The following CCDC149 variants were observed in gnomAD, a reference collection of about 807,000 sequenced individuals.
CCDC149 encodes the protein coiled-coil domain-containing protein 149.
In CCDC149, 45 loss-of-function variants were observed where a neutral mutation model predicts 59.9. That is an observed-to-expected ratio of 0.75 (90% CI 0.59 to 0.96). The LOEUF is 0.96. CCDC149 is among the 40% of genes least tolerant of loss of function. CCDC149 has a pLI of 0.00. For synonymous variants in CCDC149, 245 were observed against 260.6 expected (o/e 0.94, Z 0.58); for missense variants, 584 against 664.7 (o/e 0.88, Z 1.33).
intron 1 of CCDC149, among the ~76,000 whole-genome samples, chr4:24,973,106 A>G (rs2109369027): frequency 6.6e-6 from 1 of 152,314 alleles, no homozygotes; most frequent in Non-Finnish European, 1.5e-5. Flanking sequence ...GCCAATCAGA[A>G]GATCTTGGAA....
At chr4:24,926,101 C>T (rs1722427763) in intron 1 of CCDC149, among the ~76,000 whole-genome samples, 1 of 152,284 alleles carries the variant, frequency 6.6e-6, no homozygotes, top group Non-Finnish European at 1.5e-5. Context: ...GAGGCTGTGG[C>T]AGGAGAATCG....
chr4:24,946,891 T>C (rs1242249196), intron 1 of CCDC149, among the ~76,000 whole-genome samples: 1 of 152,210 alleles, frequency 6.6e-6, no homozygotes, highest in Admixed American at 6.5e-5. Flanking sequence ...CGCATATTCA[T>C]ATGTACTCAT....
At chr4:24,910,188 C>T (rs1196567953) in intron 1 of CCDC149, among the ~76,000 whole-genome samples, 1 of 152,222 alleles carries the variant, frequency 6.6e-6, no homozygotes, top group Non-Finnish European at 1.5e-5. Flanking sequence ...CTGCATCACT[C>T]CAATCTCTAC....
chr4:24,972,900 G>T (rs1724020787), intron 1 of CCDC149, among the ~76,000 whole-genome samples: 2 of 152,182 alleles, frequency 1.3e-5, no homozygotes, highest in Non-Finnish European at 2.9e-5. Flanking sequence ...CAATCCTGAA[G>T]GGACTAACTG....
intron 1 of CCDC149, among the ~76,000 whole-genome samples, chr4:24,967,501 G>C (rs1054158290): frequency 3.9e-5 from 6 of 152,032 alleles, no homozygotes; most frequent in Admixed American, 3.3e-4. Context: ...AACTGGGACA[G>C]TACCACTATG....
chr4:24,837,129 T>A lies in CCDC149; in HGVS notation c.662+99A>T. 8.4e-7 allele frequency: 1 copy of A among 1,194,184 alleles called. No individual in the cohort carries two copies. The highest frequency in any genetic ancestry group is 2.6e-5 in the Admixed American group (1 of 37,954). 74.0% of individuals were successfully genotyped at this position (1,194,184 alleles called of 1,614,324 possible). A position where few individuals can be genotyped will look rare whatever the true frequency, so the allele number is the denominator to read the frequency against. On this transcript the variant is annotated intron_variant, in intron 6 of 12. Transcript: ENST00000635206. The surrounding 1 kb of genome is among the most constrained non-coding windows in gnomAD (Gnocchi z 4.3). ...GAGTTTCTTTTCACTTGTAAGGCAATTTTCTCCAAAATAAATAGGGCTGCA... is the reference window on the plus strand; with the variant it reads ...GAGTTTCTTTTCACTTGTAAGGCAAATTTCTCCAAAATAAATAGGGCTGCA...
intron 1 of CCDC149, among the ~76,000 whole-genome samples, chr4:24,962,847 A>C (rs549349635): frequency 1.3e-5 from 2 of 152,240 alleles, no homozygotes; most frequent in East Asian, 3.9e-4. Flanking sequence ...ACAAACCTGC[A>C]TGTTGTGTAC....
In CCDC149 at chr4:24,928,751, C is replaced by T. The variant is rs114645134; in HGVS notation, c.-64-33633G>A. Among the ~76,000 whole-genome samples the T allele has an allele frequency of 3.9e-3, 592 of 152,234 alleles. 4 individuals are homozygous for T. Among genetic ancestry groups the T allele is most frequent in the African/African-American group, 0.014 (574 of 41,534 alleles). On this transcript the variant is annotated intron_variant, in intron 1 of 12. Coordinates refer to the CCDC149 transcript ENST00000389609. ...TGTTACAGCAACCCTAGGAAACTGA[C>T]ACAGGTGCTGTCATGGTCTTCACAG...
At chr4:24,820,719 A>G (rs966354463) in intron 11 of CCDC149, among the ~76,000 whole-genome samples, 5 of 152,100 alleles carry the variant, frequency 3.3e-5, no homozygotes, top group African/African-American at 1.2e-4. Flanking sequence ...AACATCCTTC[A>G]TCACTGCAGG....
chr4:24,870,939 G>A (rs535192199), intron 3 of CCDC149, among the ~76,000 whole-genome samples: 27 of 151,852 alleles, frequency 1.8e-4, no homozygotes, highest in Non-Finnish European at 2.9e-4. Flanking sequence ...CAGCAACTCG[G>A]GGGGCTAAGG....
intron 4 of CCDC149, among the ~76,000 whole-genome samples, chr4:24,852,285 CATA>C (rs2109182375): frequency 1.2e-5 from 1 of 81,232 alleles, no homozygotes; most frequent in South Asian, 5.1e-4. Context: ...TCCAACACAC[CATA>C]CACACACACA....
At chr4:24,957,500 T>G (rs1377653) in intron 1 of CCDC149, among the ~76,000 whole-genome samples, 114,785 of 152,132 alleles carry the variant, frequency 0.75, 43,523 homozygotes, top group African/African-American at 0.79. Flanking sequence ...CCCATTCAGG[T>G]ACAGCCCTAA....
intron 1 of CCDC149, among the ~76,000 whole-genome samples, chr4:24,966,923 C>T (rs1049272438): frequency 2.0e-5 from 3 of 152,216 alleles, no homozygotes; most frequent in African/African-American, 2.4e-5. Context: ...CACCAATGTG[C>T]GGTGGGTGCT....
At position 24,876,635 on chromosome 4, in the gene CCDC149, C is replaced by T. The variant is rs1719457433; in HGVS notation, c.126G>A (p.Glu42=). 4 of 1,614,152 alleles carry T rather than the reference C, an allele frequency of 2.5e-6. No homozygotes were observed. The highest frequency in any genetic ancestry group is 3.4e-6 in the Non-Finnish European group (4 of 1,180,028). The change falls in exon 2 of 13, where the codon GAG becomes GAA. Residue 42 remains glutamate (E), a synonymous_variant. Transcript: ENST00000635206. ...CCCTTTCCTGTTGACAGGTGTCCAGCTCCTTGGAGAGGATCAGCAGGGCTT... is the reference window on the plus strand; with the variant it reads ...CCCTTTCCTGTTGACAGGTGTCCAGTTCCTTGGAGAGGATCAGCAGGGCTT...
intron 12 of CCDC149, among the ~76,000 whole-genome samples, chr4:24,816,919 T>C (rs755360722): frequency 6.6e-6 from 1 of 152,216 alleles, no homozygotes; most frequent in Non-Finnish European, 1.5e-5. Context: ...TGCTCTCTGA[T>C]AGGCTTTGTC....
intron 1 of CCDC149, among the ~76,000 whole-genome samples, chr4:24,955,710 C>T (rs1723446026): frequency 6.6e-6 from 1 of 151,988 alleles, no homozygotes; most frequent in African/African-American, 2.4e-5. Flanking sequence ...AGGGTGGTTG[C>T]CAGAATCCAG....
chr4:24,947,372 C>G (rs1027297811), intron 1 of CCDC149, among the ~76,000 whole-genome samples: 2 of 152,162 alleles, frequency 1.3e-5, no homozygotes, highest in African/African-American at 4.8e-5. Context: ...TGAGGAAGGA[C>G]ATGTTTTCTT....
intron 1 of CCDC149, among the ~76,000 whole-genome samples, chr4:24,926,473 G>A (rs1290239383): frequency 6.6e-6 from 1 of 152,054 alleles, no homozygotes; most frequent in Non-Finnish European, 1.5e-5. Context: ...CTTCCAGCTT[G>A]TCCTACCTTC....
At chr4:24,915,391 A>G (rs1722095959), upstream of CCDC149, among the ~76,000 whole-genome samples, 1 of 152,200 alleles carries the variant, frequency 6.6e-6, no homozygotes, top group Non-Finnish European at 1.5e-5. Context: ...AGCCCATTCC[A>G]GTTTCCACAG....
Sources: gnomAD v4.1 joint callset for allele counts (sites outside exome capture counted in the v4.1 genomes callset) on GRCh38, gnomAD v4.1.1 for gene constraint, Gnocchi (gnomAD v3.1) non-coding constraint, MANE v1.5 for transcripts, NCBI Gene and HGNC (gene_info 2026-07-23, HGNC 2026-07-21) for gene names.